PCDHA2: variants seen among roughly 807,000 people sequenced by gnomAD.
The protein encoded by PCDHA2 is protocadherin alpha 2.
Under a neutral mutation model 66.0 loss-of-function variants are expected in PCDHA2, and 58 were observed. The observed-to-expected ratio is 0.88, with a 90% CI of 0.71 to 1.09. The LOEUF (loss-of-function observed/expected upper bound fraction) is 1.09, where lower values mean the gene tolerates loss of function less well. Ranked by LOEUF, PCDHA2 falls within the 50% of genes least tolerant of loss-of-function variation. The pLI is 0.00. For synonymous variants in PCDHA2, 634 were observed against 554.0 expected (o/e 1.14, Z -2.03); for missense variants, 1,267 against 1,242.3 (o/e 1.02, Z -0.30).
In PCDHA2 at chr5:140,855,887, C is replaced by T. The variant is rs2043661726; in HGVS notation, c.2388+58535C>T. 3.0e-6 allele frequency: 3 copies of T among 985,500 alleles called. No individual in the cohort carries two copies. The African/African-American group carries it at 4.9e-5, about 16-fold the overall frequency. The allele number at this position is 985,500 out of a possible 1,614,324, so 61.0% of individuals were successfully genotyped here. A position where few individuals can be genotyped will look rare whatever the true frequency, so the allele number is the denominator to read the frequency against. ...TCGTCCACAAAATAGCTTTTTAGAA[C>T]AAAGGCATCAGCCAGTTTCTCAAGG... On this transcript the variant is annotated intron_variant, in intron 1 of 3. Transcript: ENST00000526136.
At chr5:140,873,086 C>G (rs984385666) in intron 1 of PCDHA2, among the ~76,000 whole-genome samples, 1 of 152,122 alleles carries the variant, frequency 6.6e-6, no homozygotes, top group Non-Finnish European at 1.5e-5. Context: ...ATTTCCCCCC[C>G]GTATAGAGGC....
At chr5:140,955,654 AT>A (rs1264049969) in intron 1 of PCDHA2, among the ~76,000 whole-genome samples, 1 of 152,208 alleles carries the variant, frequency 6.6e-6, no homozygotes, top group Non-Finnish European at 1.5e-5. Flanking sequence ...TAATACACAT[AT>A]GAATTTTAAC....
chr5:140,869,687 T>C, intron 1 of PCDHA2: 1 of 1,613,474 alleles, frequency 6.2e-7, no homozygotes, highest in Non-Finnish European at 8.5e-7. Context: ...CTGTCACTTA[T>C]TTTAAAGAAG....
At position 140,796,237 on chromosome 5, in the gene PCDHA2, G is replaced by A. The variant is rs1554119777; in HGVS notation, c.1273G>A (p.Val425Met). The A allele has an allele frequency of 1.2e-6, 2 of 1,614,044 alleles. No homozygotes were observed. Among genetic ancestry groups the A allele is most frequent in the Non-Finnish European group, 1.7e-6 (2 of 1,180,058 alleles). ...GAGCGTGTCAGCCTATGAGCTGGTG[G>A]TGACCGCACGGGACGGGGGCTCGCC... ...RESVSAYELV[V>M]TARDGGSPSL... Residue 425 changes from valine to methionine, a missense_variant, in exon 1 of 4, where the codon GTG becomes ATG. Transcript: ENST00000526136.
chr5:140,870,345 C>T (rs782253040), intron 1 of PCDHA2: 7 of 1,614,066 alleles, frequency 4.3e-6, no homozygotes, highest in South Asian at 2.2e-5. Flanking sequence ...CCCTGGACCG[C>T]GAGAACGTGT....
At position 141,012,270 on chromosome 5, in the gene PCDHA2, G is replaced by A. The variant is rs782033901; in HGVS notation, c.*2333G>A. On this transcript the variant is annotated 3_prime_UTR_variant, in exon 4 of 4. Coordinates refer to ENST00000526136, the MANE Select transcript of PCDHA2 (RefSeq NM_018905.3). ...TATTACAGCTGTAAGGATAAAACAC[G>A]TCATGTGGATTCATTTTGAATTGGT... is the stretch of plus-strand genomic sequence containing the variant. 4 of 153,734 alleles carry A rather than the reference G, an allele frequency of 2.6e-5. No individual in the cohort carries two copies. The highest frequency in any genetic ancestry group is 5.9e-5 in the Non-Finnish European group (4 of 68,028). 9.5% of individuals were successfully genotyped at this position (153,734 alleles called of 1,614,324 possible).
At position 140,917,487 on chromosome 5, in the gene PCDHA2, A is replaced by T. The variant is rs1303002890; in HGVS notation, c.2389-61462A>T. Among the ~76,000 whole-genome samples, 3 of 152,232 alleles carry T rather than the reference A, an allele frequency of 2.0e-5. No individual in the cohort carries two copies. The East Asian group carries it at 5.8e-4, about 29-fold the overall frequency. The stretch of plus-strand genomic sequence containing the variant: ...TGTCATGAAATCTTTGCCAGGGCCT[A>T]TGCCCAGAATGATATTTTCTAGGTT... On this transcript the variant is annotated intron_variant, in intron 1 of 3. Coordinates refer to ENST00000526136, the MANE Select transcript of PCDHA2 (RefSeq NM_018905.3).
intron 3 of PCDHA2, among the ~76,000 whole-genome samples, chr5:140,990,733 A>G (rs2097410113): frequency 6.6e-6 from 1 of 152,198 alleles, no homozygotes; most frequent in Admixed American, 6.5e-5. Flanking sequence ...GTATATCAAC[A>G]GCCCTAGGGT....
At position 140,797,236 on chromosome 5, in the gene PCDHA2, G is replaced by A; in HGVS notation, c.2272G>A (p.Val758Met). 6.2e-7 allele frequency: 1 copy of A among 1,614,194 alleles called. No homozygotes were observed. The highest frequency in any genetic ancestry group is 8.5e-7 in the Non-Finnish European group (1 of 1,180,054). The change falls in exon 1 of 4, where the codon GTG (valine) becomes ATG (methionine). Residue 758 changes from valine (V) to methionine (M), a missense_variant. Val to Met is a conservative substitution (Grantham distance 21). Coordinates refer to ENST00000526136, the MANE Select transcript of PCDHA2 (RefSeq NM_018905.3). ...WSYSQQRRQR[V>M]CSGEDPPKTD... is the part of the protein sequence containing the mutation. ...TTACTCGCAGCAGAGGCGGCAGAGG[G>A]TGTGCTCTGGGGAGGACCCCCCCAA...
intron 1 of PCDHA2, chr5:140,869,094 T>C (rs2050847018): frequency 6.3e-7 from 1 of 1,592,284 alleles, no homozygotes; most frequent in Non-Finnish European, 8.6e-7. Context: ...GGAAGCCAAT[T>C]TCGTATGCGA....
chr5:140,824,286 A>C, intron 1 of PCDHA2: 1 of 1,021,950 alleles, frequency 9.8e-7, no homozygotes, highest in Non-Finnish European at 1.5e-6. Context: ...GCTTTTTATG[A>C]GGCTTTTCTG....
Position 140,883,733 on chromosome 5 carries a change from C to T in PCDHA2, c.2388+86381C>T, listed in dbSNP as rs1554179634. 2.5e-6 allele frequency: 4 copies of T among 1,613,458 alleles called. No individual in the cohort carries two copies. In the East Asian group the frequency reaches 6.7e-5, roughly 27 times the overall value. On this transcript the variant is annotated intron_variant, in intron 1 of 3. Coordinates refer to ENST00000526136, the MANE Select transcript of PCDHA2 (RefSeq NM_018905.3). ...GGACGCGGACGCACAGGAGAACGCG[C>T]TGGTCTCCTACTCGCTGGTGGAGCG...
intron 1 of PCDHA2, chr5:140,851,050 G>T: frequency 7.2e-7 from 1 of 1,384,398 alleles, no homozygotes; most frequent in African/African-American, 1.5e-5. Context: ...AGCCGACTTT[G>T]TCTTGACTTC....
At chr5:140,895,709 A>G (rs763607157) in intron 1 of PCDHA2, among the ~76,000 whole-genome samples, 2 of 152,208 alleles carry the variant, frequency 1.3e-5, no homozygotes, top group African/African-American at 2.4e-5. Flanking sequence ...CACTTGGGAT[A>G]ATGGCCTGCA....
intron 3 of PCDHA2, 119 bp from the exon 4 acceptor site, chr5:141,009,508 C>T (rs923907688): frequency 6.7e-7 from 1 of 1,496,530 alleles, no homozygotes; most frequent in African/African-American, 1.4e-5. Flanking sequence ...GAACAAACAA[C>T]TCGTGATTTT....
intron 1 of PCDHA2, among the ~76,000 whole-genome samples, chr5:140,893,580 G>C (rs555518122): frequency 1.5e-4 from 23 of 152,268 alleles, no homozygotes; most frequent in East Asian, 1.2e-3. Flanking sequence ...GTTTTTGCTT[G>C]TTTGGGAAAT....
At chr5:140,976,832 A>G (rs246001) in intron 1 of PCDHA2, among the ~76,000 whole-genome samples, 14,161 of 152,268 alleles carry the variant, frequency 0.093, 806 homozygotes, top group Middle Eastern at 0.22. Context: ...AATGAGCAAA[A>G]CAGATATAAT....
intron 1 of PCDHA2, chr5:140,866,209 TGGA>T (rs371374348): frequency 2.8e-4 from 43 of 152,294 alleles, no homozygotes; most frequent in African/African-American, 7.9e-4. Context: ...AATATCCTTG[TGGA>T]ACACCTAAAC....
chr5:140,844,559 T>A (rs2150371995), intron 1 of PCDHA2, among the ~76,000 whole-genome samples: 6 of 149,706 alleles, frequency 4.0e-5, no homozygotes, highest in African/African-American at 1.5e-4. Flanking sequence ...AGTTGGAATA[T>A]TTTCAATAAT....
Sources: allele counts gnomAD v4.1 joint callset (sites outside exome capture counted in the v4.1 genomes callset), GRCh38; gene constraint gnomAD v4.1.1; transcripts MANE v1.5; gene names NCBI Gene and HGNC (gene_info 2026-07-23, HGNC 2026-07-21).